Variants in TARBP1 observed in about 807,000 individuals in gnomAD.
TARBP1 encodes the protein tRNA guanosine 2 -O-methyltransferase TARBP1.
In TARBP1, 144 loss-of-function variants were observed where a neutral mutation model predicts 178.6. The ratio of observed to expected loss-of-function variants is 0.81; its 90% CI spans 0.70 to 0.93. The LOEUF is 0.93. Ranked by LOEUF, TARBP1 falls within the 40% of genes least tolerant of loss-of-function variation. The pLI, the probability that TARBP1 is intolerant of heterozygous loss-of-function variation, is 0.00. For synonymous variants in TARBP1, 787 were observed against 781.0 expected (o/e 1.01, Z -0.13); for missense variants, 2,067 against 2,011.7 (o/e 1.03, Z -0.53).
intron 1 of TARBP1, among the ~76,000 whole-genome samples, chr1:234,474,538 T>C (rs181711198): frequency 2.4e-4 from 36 of 152,220 alleles, no homozygotes; most frequent in Non-Finnish European, 4.7e-4. Context: ...AACTGTGAAA[T>C]TTCAGAATGC....
At position 234,401,282 on chromosome 1, in the gene TARBP1, T is replaced by G; in HGVS notation, c.3990-20A>C. On this transcript the variant is annotated intron_variant, in intron 24 of 29. Coordinates refer to ENST00000040877, the MANE Select transcript of TARBP1 (RefSeq NM_005646.4). ...GCATTCCTAAGGATTAAAAATATGG[T>G]ATGAGCCACAGACAAATGAAACAAC... 1 of 1,588,178 alleles carries G rather than the reference T, an allele frequency of 6.3e-7. No individual in the cohort carries two copies. Among genetic ancestry groups the G allele is most frequent in the Non-Finnish European group, 8.6e-7 (1 of 1,159,174 alleles).
intron 10 of TARBP1, among the ~76,000 whole-genome samples, chr1:234,449,813 T>C (rs1490874057): frequency 1.3e-5 from 2 of 152,190 alleles, no homozygotes; most frequent in Non-Finnish European, 2.9e-5. Context: ...TTATCACCAA[T>C]GACTTTAATG....
chr1:234,440,181 A>G (rs1373863334), intron 12 of TARBP1, among the ~76,000 whole-genome samples: 3 of 152,194 alleles, frequency 2.0e-5, no homozygotes, highest in Non-Finnish European at 2.9e-5. Flanking sequence ...ACATGCCAAA[A>G]TTTGTGGGAT....
intron 4 of TARBP1, 27 bp from the exon 5 acceptor site, chr1:234,465,735 G>A (rs371928474): frequency 5.9e-5 from 82 of 1,396,050 alleles, no homozygotes; most frequent in Middle Eastern, 4.3e-4. Context: ...AAAAAGACAC[G>A]TAATTGAAAC....
At chr1:234,399,117 G>A (rs1161892184) in intron 25 of TARBP1, among the ~76,000 whole-genome samples, 2 of 152,158 alleles carry the variant, frequency 1.3e-5, no homozygotes, top group South Asian at 2.1e-4. Flanking sequence ...TCGTGAACAC[G>A]GCATAGTCTG....
rs190589061 is a variant in TARBP1, at chr1:234,406,238, T to G, written c.3793-139A>C. The G allele has an allele frequency of 2.8e-5, 20 of 719,850 alleles. No individual in the cohort carries two copies. In the East Asian group the frequency reaches 4.9e-4, roughly 17 times the overall value. 44.6% of individuals were successfully genotyped at this position (719,850 alleles called of 1,614,324 possible). A position where few individuals can be genotyped will look rare whatever the true frequency, so the allele number is the denominator to read the frequency against. ...CCACTGGCTTTGCTACCAGGGCCTC[T>G]CATTCTTCCCTCCTGGTCAAATGCG... is the stretch of plus-strand genomic sequence containing the variant. On this transcript the variant is annotated intron_variant, in intron 23 of 29. Transcript: ENST00000040877.
intron 26 of TARBP1, among the ~76,000 whole-genome samples, chr1:234,394,719 T>C (rs1179114857): frequency 6.6e-6 from 1 of 152,246 alleles, no homozygotes; most frequent in African/African-American, 2.4e-5. Context: ...CAGCAGCAAG[T>C]ACCTTGGTTT....
chr1:234,470,095 C>T (rs984092053), intron 3 of TARBP1, among the ~76,000 whole-genome samples: 10 of 152,002 alleles, frequency 6.6e-5, no homozygotes, highest in Non-Finnish European at 1.0e-4. Context: ...GGCAAAACCC[C>T]GTCTCTACTA....
chr1:234,465,522 G>T, intron 5 of TARBP1, 134 bp downstream of exon 5: 1 of 695,676 alleles, frequency 1.4e-6, no homozygotes, highest in Non-Finnish European at 2.2e-6. Context: ...GATAGAAAAA[G>T]GACCACATGA....
Position 234,458,245 on chromosome 1 carries a change from G to A in TARBP1, c.1633-489C>T, listed in dbSNP as rs1318818624. Reference sequence around the variant, plus strand: ...TGTAATCCCAGCTACTTGGGAGGCTGAGGCAGGAGAATCACTTGAACCTGG... The same window carrying A: ...TGTAATCCCAGCTACTTGGGAGGCTAAGGCAGGAGAATCACTTGAACCTGG... On this transcript the variant is annotated intron_variant, in intron 8 of 29. Transcript: ENST00000040877. 5.3e-5 allele frequency among the ~76,000 whole-genome samples: 8 copies of A among 152,314 alleles called. No homozygotes were observed. In the East Asian group the frequency reaches 1.3e-3, roughly 26 times the overall value.
In TARBP1 at chr1:234,430,143, C is replaced by T. The variant is rs1344627940; in HGVS notation, c.2553G>A (p.Leu851=). The T allele has an allele frequency of 6.2e-7, 1 of 1,614,162 alleles. No homozygotes were observed. Among genetic ancestry groups the T allele is most frequent in the Non-Finnish European group, 8.5e-7 (1 of 1,180,022 alleles). ...TCTGCTCCTCTGCGTGGGGCTTCTG[C>T]AGCGTCTGATTGAGCTGAAGAGAGG... ...FLSSLQLNQT[L]QKPHAEEQSS... The change falls in exon 15 of 30, where the codon CTG becomes CTA. Residue 851 remains leucine, a synonymous_variant. Transcript: ENST00000040877.
chr1:234,465,709 C>G lies in TARBP1; in HGVS notation c.1249-1G>C. ...CATCCATTAATGGTCCAATAATAAA[C>G]TAAAAAAAAAAAAAAAAAAAGACAC... On this transcript the variant is annotated splice_acceptor_variant, in intron 4 of 29. Coordinates refer to ENST00000040877, the MANE Select transcript of TARBP1 (RefSeq NM_005646.4). LOFTEE classifies it high-confidence loss of function. The G allele has an allele frequency of 8.9e-7, 1 of 1,123,508 alleles. No individual in the cohort carries two copies. Among genetic ancestry groups the G allele is most frequent in the South Asian group, 2.2e-5 (1 of 46,044 alleles). 69.6% of individuals were successfully genotyped at this position (1,123,508 alleles called of 1,614,324 possible).
intron 22 of TARBP1, among the ~76,000 whole-genome samples, chr1:234,412,463 C>T (rs537273584): frequency 6.7e-6 from 1 of 150,040 alleles, no homozygotes; most frequent in African/African-American, 2.4e-5. Context: ...TGCAGTGGCT[C>T]ATGACCAGCC....
At chr1:234,467,719 A>C in intron 3 of TARBP1, 69 bp from the exon 4 acceptor site, 2 of 1,386,284 alleles carry the variant, frequency 1.4e-6, no homozygotes, top group Non-Finnish European at 1.9e-6. Context: ...CTACATACTC[A>C]TAAATAATGT....
chr1:234,400,265 T>A (rs1192878437), intron 25 of TARBP1: 1 of 152,124 alleles, frequency 6.6e-6, no homozygotes, highest in Non-Finnish European at 1.5e-5. Flanking sequence ...AAGGTTGACT[T>A]AACACTAGAG....
intron 20 of TARBP1, 78 bp downstream of exon 20, chr1:234,425,595 A>G: frequency 7.2e-7 from 1 of 1,398,070 alleles, no homozygotes; most frequent in East Asian, 2.3e-5. Context: ...TTAGAAGTAC[A>G]TATTCTAGCA....
chr1:234,409,627 G>T (rs954033113), intron 23 of TARBP1, among the ~76,000 whole-genome samples: 3 of 152,188 alleles, frequency 2.0e-5, no homozygotes, highest in Non-Finnish European at 4.4e-5. Flanking sequence ...GGAAAATGTG[G>T]TGTGGAGAAA....
chr1:234,438,503 A>C (rs1665264468), intron 12 of TARBP1, among the ~76,000 whole-genome samples: 1 of 152,244 alleles, frequency 6.6e-6, no homozygotes, highest in Non-Finnish European at 1.5e-5. Context: ...AATAACTGAA[A>C]TAAATTCACT....
chr1:234,414,803 G>T (rs1270887421), intron 22 of TARBP1, among the ~76,000 whole-genome samples: 1 of 152,062 alleles, frequency 6.6e-6, no homozygotes, highest in East Asian at 1.9e-4. Flanking sequence ...TGGCCAACAT[G>T]GTAAAACCCA....
Sources: gnomAD v4.1 joint callset for allele counts (sites outside exome capture counted in the v4.1 genomes callset) on GRCh38, gnomAD v4.1.1 for gene constraint, MANE v1.5 for transcripts, NCBI Gene and HGNC (gene_info 2026-07-23, HGNC 2026-07-21) for gene names.